DLG2: variants seen among roughly 807,000 people sequenced by gnomAD.
The protein encoded by DLG2 is disks large homolog 2.
In DLG2, 45 loss-of-function variants were observed where a neutral mutation model predicts 132.5. The ratio of observed to expected loss-of-function variants is 0.34; its 90% CI spans 0.27 to 0.44. DLG2 has a LOEUF of 0.44. DLG2 is among the 20% of genes least tolerant of loss of function. The pLI is 1.00. For missense variants in DLG2, 1,045 were observed against 1,196.9 expected, an observed-to-expected ratio of 0.87 and a Z score of 1.87; for synonymous variants, 424 against 419.6, an observed-to-expected ratio of 1.01 and a Z score of -0.13.
In DLG2 at chr11:83,917,037, G is replaced by T. The variant is rs1050814500; in HGVS notation, c.1496+13291C>A. ...CATTATATGATTTAATAATACTAAG[G>T]GTCCTGAGGATGCACTATTAGCTTT... On this transcript the variant is annotated intron_variant, in intron 15 of 27. Coordinates refer to ENST00000376104, the MANE Select transcript of DLG2 (RefSeq NM_001142699.3). 3.3e-5 allele frequency among the ~76,000 whole-genome samples: 5 copies of T among 152,124 alleles called. No individual in the cohort carries two copies. In the South Asian group the frequency reaches 6.3e-4, roughly 19 times the overall value.
rs575904364 is a variant in DLG2, at chr11:84,823,121, C to T, written c.358-288390G>A. Among the ~76,000 whole-genome samples, 4 of 151,662 alleles carry T rather than the reference C, an allele frequency of 2.6e-5. No homozygotes were observed. In the East Asian group the frequency reaches 7.8e-4, roughly 30 times the overall value. On this transcript the variant is annotated intron_variant, in intron 6 of 27. Coordinates refer to ENST00000376104, the MANE Select transcript of DLG2 (RefSeq NM_001142699.3). ...AATATAAGTTCTAATTAAAGGTGTT[C>T]AATAAACACTCATCAAATAGTAAAT...
chr11:85,487,857 T>C (rs186601175), intron 3 of DLG2, among the ~76,000 whole-genome samples: 1 of 152,262 alleles, frequency 6.6e-6, no homozygotes, highest in East Asian at 1.9e-4. Flanking sequence ...CCATGGCACA[T>C]TATAATCAGA....
At chr11:85,376,000 A>G (rs1390152155) in intron 3 of DLG2, among the ~76,000 whole-genome samples, 1 of 152,158 alleles carries the variant, frequency 6.6e-6, no homozygotes, top group East Asian at 1.9e-4. Context: ...AGATATTAAT[A>G]TTTTACATTT....
intron 6 of DLG2, among the ~76,000 whole-genome samples, chr11:85,003,010 A>G (rs1383188354): frequency 6.6e-6 from 1 of 152,072 alleles, no homozygotes; most frequent in African/African-American, 2.4e-5. Flanking sequence ...TATAGTATTT[A>G]TATTATTGAG....
chr11:84,663,178 C>T (rs1595177908), intron 6 of DLG2, among the ~76,000 whole-genome samples: 1 of 151,820 alleles, frequency 6.6e-6, no homozygotes, highest in African/African-American at 2.4e-5. Flanking sequence ...TTTCTCCATA[C>T]AGAAAAACAT....
intron 7 of DLG2, among the ~76,000 whole-genome samples, chr11:84,332,648 G>T (rs542903835): frequency 1.9e-4 from 29 of 151,462 alleles, no homozygotes; most frequent in Non-Finnish European, 3.8e-4. Flanking sequence ...CTGGCCGCTT[G>T]TCCTTCTTTA....
At chr11:85,565,021 AT>A (rs1412753433) in intron 3 of DLG2, among the ~76,000 whole-genome samples, 3 of 151,812 alleles carry the variant, frequency 2.0e-5, no homozygotes, top group Non-Finnish European at 4.4e-5. Flanking sequence ...TATTATTTTA[AT>A]TTTTGTTATC....
At chr11:84,571,244 C>T (rs1360714869) in intron 6 of DLG2, among the ~76,000 whole-genome samples, 2 of 152,066 alleles carry the variant, frequency 1.3e-5, no homozygotes, top group Non-Finnish European at 2.9e-5. Flanking sequence ...TCTTTCTCTT[C>T]TTTTTTCCCA....
At chr11:83,842,825 A>C (rs1247669298) in intron 16 of DLG2, among the ~76,000 whole-genome samples, 1 of 147,356 alleles carries the variant, frequency 6.8e-6, no homozygotes, top group South Asian at 2.2e-4. Context: ...CCAAAAAAAA[A>C]AAAAAAAAGA....
intron 8 of DLG2, among the ~76,000 whole-genome samples, chr11:84,227,414 A>AT (rs563711788): frequency 1.7e-3 from 260 of 152,282 alleles, no homozygotes; most frequent in African/African-American, 6.1e-3. Context: ...TCATGAGTGT[A>AT]TATCATGGAA....
Position 84,317,261 on chromosome 11 carries a change from T to C in DLG2, c.520-65970A>G, listed in dbSNP as rs575774149. ...CTTTTTTCCACCGTGGATTCCTCAGTATCTTTGACAGCTGCTATAAGCAGT... is the reference window on the plus strand; with the variant it reads ...CTTTTTTCCACCGTGGATTCCTCAGCATCTTTGACAGCTGCTATAAGCAGT... On this transcript the variant is annotated intron_variant, in intron 7 of 27. Transcript: ENST00000376104. The C allele has an allele frequency of 1.1e-4, 170 of 1,496,212 alleles. 3 individuals are homozygous for C. In the East Asian group the frequency reaches 3.1e-3, roughly 28 times the overall value. 92.7% of individuals were successfully genotyped at this position (1,496,212 alleles called of 1,614,324 possible). A position where few individuals can be genotyped will look rare whatever the true frequency, so the allele number is the denominator to read the frequency against.
chr11:84,468,052 T>C (rs1235728903), intron 7 of DLG2, among the ~76,000 whole-genome samples: 1 of 151,566 alleles, frequency 6.6e-6, no homozygotes, highest in Non-Finnish European at 1.5e-5. Flanking sequence ...AAACAATACC[T>C]ACTTTGCAGT....
intron 7 of DLG2, among the ~76,000 whole-genome samples, chr11:84,412,078 T>G (rs1367521224): frequency 6.6e-6 from 1 of 150,818 alleles, no homozygotes; most frequent in Non-Finnish European, 1.5e-5. Flanking sequence ...TAGCACCCTA[T>G]AGCTGGGCTT....
chr11:85,432,334 T>G (rs1256098720), intron 3 of DLG2, among the ~76,000 whole-genome samples: 1 of 152,100 alleles, frequency 6.6e-6, no homozygotes, highest in Non-Finnish European at 1.5e-5. Flanking sequence ...GATAGATGAA[T>G]TGACAGAAGT....
chr11:85,408,920 G>C (rs1399678764), intron 3 of DLG2, among the ~76,000 whole-genome samples: 1 of 151,864 alleles, frequency 6.6e-6, no homozygotes, highest in African/African-American at 2.4e-5. Context: ...CCAGTAATGG[G>C]ATGGCTGGGT....
chr11:85,000,423 T>A (rs2058103546), intron 6 of DLG2, among the ~76,000 whole-genome samples: 1 of 152,188 alleles, frequency 6.6e-6, no homozygotes, highest in South Asian at 2.1e-4. Flanking sequence ...CCTTATTTTT[T>A]TAAATCCTAG....
At chr11:83,853,014 A>G (rs779466043) in intron 16 of DLG2, among the ~76,000 whole-genome samples, 6 of 152,216 alleles carry the variant, frequency 3.9e-5, no homozygotes, top group Non-Finnish European at 5.9e-5. Context: ...CTGAAAGCCA[A>G]CTTTGGACAC....
chr11:83,727,740 A>G (rs1380546555), intron 18 of DLG2, among the ~76,000 whole-genome samples: 1 of 152,256 alleles, frequency 6.6e-6, no homozygotes, highest in Non-Finnish European at 1.5e-5. Flanking sequence ...ACTAGGGAAC[A>G]TGGAGACTTG....
intron 15 of DLG2, among the ~76,000 whole-genome samples, chr11:83,921,830 G>C (rs534306918): frequency 6.8e-6 from 1 of 147,886 alleles, no homozygotes; most frequent in East Asian, 2.1e-4. Flanking sequence ...ATCTCAGATA[G>C]AGATATTATC....
Sources: gnomAD v4.1 joint callset for allele counts (sites outside exome capture counted in the v4.1 genomes callset) on GRCh38, gnomAD v4.1.1 for gene constraint, MANE v1.5 for transcripts, NCBI Gene and HGNC (gene_info 2026-07-23, HGNC 2026-07-21) for gene names.